CACNA1D: variants seen among roughly 807,000 people sequenced by gnomAD.
The protein encoded by CACNA1D is calcium voltage-gated channel subunit alpha1 D, also known as voltage-dependent L-type calcium channel subunit alpha-1D.
In CACNA1D, 55 loss-of-function variants were observed where a neutral mutation model predicts 257.1. The ratio of observed to expected loss-of-function variants is 0.21; its 90% CI spans 0.17 to 0.27. The LOEUF (loss-of-function observed/expected upper bound fraction) is 0.27. Ranked by LOEUF, CACNA1D falls within the 10% of genes least tolerant of loss-of-function variation. The pLI is 1.00. For synonymous variants in CACNA1D, 980 were observed against 1,014.9 expected, an observed-to-expected ratio of 0.97 and a Z score of 0.65; for missense variants, 1,876 against 2,784.0, an observed-to-expected ratio of 0.67 and a Z score of 7.34.
In CACNA1D at chr3:53,514,591, C is replaced by T. The variant is rs182070217; in HGVS notation, c.483+12871C>T. On this transcript the variant is annotated intron_variant, in intron 3 of 47. Transcript: ENST00000350061. ...GAAATAAAATGGCTAAAGGTGTTAT[C>T]ACAGGCCCTGGCTCCTAGAAAGCAC... is the stretch of plus-strand genomic sequence containing the variant. Among the ~76,000 whole-genome samples, 28 of 152,258 alleles carry T rather than the reference C, an allele frequency of 1.8e-4. No homozygotes were observed. The East Asian group carries it at 5.4e-3, about 29-fold the overall frequency.
intron 37 of CACNA1D, among the ~76,000 whole-genome samples, chr3:53,778,230 C>T (rs2095408218): frequency 6.6e-6 from 1 of 152,144 alleles, no homozygotes; most frequent in Non-Finnish European, 1.5e-5. Flanking sequence ...CCAGTACTGG[C>T]CTCTTTTCTG....
chr3:53,770,671 A>C, intron 32 of CACNA1D, 119 bp downstream of exon 32: 1 of 890,606 alleles, frequency 1.1e-6, no homozygotes, highest in Non-Finnish European at 1.8e-6. Flanking sequence ...GACCTAAATC[A>C]ATAGAAAACA....
chr3:53,508,110 A>T (rs1218561106), intron 3 of CACNA1D, among the ~76,000 whole-genome samples: 1 of 152,074 alleles, frequency 6.6e-6, no homozygotes, highest in Non-Finnish European at 1.5e-5. Flanking sequence ...GCTCATTTTG[A>T]GGAGGGCATG....
chr3:53,664,242 G>A (rs1049738869), intron 5 of CACNA1D, among the ~76,000 whole-genome samples: 1 of 152,094 alleles, frequency 6.6e-6, no homozygotes, highest in Non-Finnish European at 1.5e-5. Flanking sequence ...GGAATGCTTA[G>A]TTTTGTTGGG....
intron 3 of CACNA1D, among the ~76,000 whole-genome samples, chr3:53,593,246 G>A (rs1336595928): frequency 6.6e-6 from 1 of 152,174 alleles, no homozygotes; most frequent in Admixed American, 6.6e-5. Context: ...TGATGGCCAC[G>A]AATCTAATTT....
chr3:53,717,342 C>T (rs1559561752), intron 9 of CACNA1D, among the ~76,000 whole-genome samples: 1 of 152,212 alleles, frequency 6.6e-6, no homozygotes. Flanking sequence ...ACCCCTATTC[C>T]AGGTGGGTGC....
In CACNA1D at chr3:53,741,156, C is replaced by A. The variant is rs535026105; in HGVS notation, c.2811+817C>A. Among the ~76,000 whole-genome samples, 265 of 152,274 alleles carry A rather than the reference C, an allele frequency of 1.7e-3. 2 individuals carry two copies. Among genetic ancestry groups the A allele is most frequent in the African/African-American group, 5.5e-3 (227 of 41,556 alleles). On this transcript the variant is annotated intron_variant, in intron 21 of 47. Transcript: ENST00000350061. ...CCTTATGTGCTTAGAGTGCTGGAGA[C>A]CACAGCAGAGCTCCAAGAACCTATC... is the stretch of plus-strand genomic sequence containing the variant.
At chr3:53,745,568 C>G in intron 23 of CACNA1D, 56 bp from the exon 24 acceptor site, 13 of 1,113,240 alleles carry the variant, frequency 1.2e-5, no homozygotes, top group Non-Finnish European at 1.4e-5. Context: ...CTGATGTTAG[C>G]TCACCTCAAG....
intron 3 of CACNA1D, among the ~76,000 whole-genome samples, chr3:53,587,414 T>A (rs1005235654): frequency 6.6e-6 from 1 of 152,154 alleles, no homozygotes; most frequent in African/African-American, 2.4e-5. Flanking sequence ...AGGTAACTTT[T>A]TACATTACAG....
chr3:53,749,073 C>G (rs1192665755), intron 26 of CACNA1D, 195 bp from the exon 27 acceptor site: 2 of 697,700 alleles, frequency 2.9e-6, no homozygotes, highest in Non-Finnish European at 5.2e-6. Flanking sequence ...ATCCTGGGTG[C>G]CCCCTCCTCT....
intron 19 of CACNA1D, 136 bp downstream of exon 19, chr3:53,733,098 C>A: frequency 1.3e-6 from 1 of 773,214 alleles, no homozygotes; most frequent in Non-Finnish European, 2.1e-6. Flanking sequence ...GGCGCCCTCA[C>A]CCAAGTCCCC....
chr3:53,558,478 A>G (rs1341020925), intron 3 of CACNA1D, among the ~76,000 whole-genome samples: 1 of 152,102 alleles, frequency 6.6e-6, no homozygotes, highest in Non-Finnish European at 1.5e-5. Flanking sequence ...AGTCAGTTTC[A>G]GTAGTAGTTA....
In CACNA1D at chr3:53,713,502, A is replaced by ATGTG. The variant is rs35655186; in HGVS notation, c.1391-4760_1391-4757dup. On this transcript the variant is annotated intron_variant, in intron 9 of 47. Transcript: ENST00000350061. ...ACATAGACTCATTTGCTCTGTGTGTATGTGTGTGTGTGTGTGTGTGTGTGT... is the reference window on the plus strand; with the variant it reads ...ACATAGACTCATTTGCTCTGTGTGTATGTGTGTGTGTGTGTGTGTGTGTGTGTGT... Among the ~76,000 whole-genome samples, 983 of 129,418 alleles carry ATGTG rather than the reference A, an allele frequency of 7.6e-3. 8 individuals carry two copies. The highest frequency in any genetic ancestry group is 0.04 in the South Asian group (170 of 4,270). 84.9% of individuals were successfully genotyped at this position (129,418 alleles called of 152,430 possible). A position where few individuals can be genotyped will look rare whatever the true frequency, so the allele number is the denominator to read the frequency against.
chr3:53,728,386 G>A (rs1387739310), intron 15 of CACNA1D, among the ~76,000 whole-genome samples: 2 of 152,046 alleles, frequency 1.3e-5, no homozygotes, highest in Admixed American at 6.6e-5. Context: ...TGATCCGCCC[G>A]CCTTGGCCTC....
At chr3:53,712,799 G>C (rs768029641) in intron 9 of CACNA1D, among the ~76,000 whole-genome samples, 2 of 152,152 alleles carry the variant, frequency 1.3e-5, no homozygotes, top group Non-Finnish European at 2.9e-5. Context: ...GTGCAAAAAA[G>C]TCTGTCCTGT....
chr3:53,509,988 C>A (rs141411805), intron 3 of CACNA1D, among the ~76,000 whole-genome samples: 1 of 152,190 alleles, frequency 6.6e-6, no homozygotes, highest in African/African-American at 2.4e-5. Flanking sequence ...CCTTCCAGCC[C>A]GCTGCTGTGG....
intron 3 of CACNA1D, among the ~76,000 whole-genome samples, chr3:53,541,667 T>G (rs1226639428): frequency 6.6e-6 from 1 of 152,214 alleles, no homozygotes; most frequent in East Asian, 1.9e-4. Flanking sequence ...AGTAATTCTT[T>G]GAGTATATCT....
At chr3:53,596,432 G>C (rs576460603) in intron 3 of CACNA1D, among the ~76,000 whole-genome samples, 13 of 151,642 alleles carry the variant, frequency 8.6e-5, no homozygotes, top group South Asian at 2.1e-4. Context: ...TTGGAAAATG[G>C]CCCCCCCCAA....
intron 3 of CACNA1D, among the ~76,000 whole-genome samples, chr3:53,533,684 G>A (rs1308165270): frequency 6.6e-5 from 10 of 152,270 alleles, no homozygotes; most frequent in African/African-American, 2.4e-4. Flanking sequence ...CCTCCTCCAC[G>A]GCTGCTATGG....
Sources: allele counts gnomAD v4.1 joint callset (sites outside exome capture counted in the v4.1 genomes callset), GRCh38; gene constraint gnomAD v4.1.1; transcripts MANE v1.5; gene names NCBI Gene and HGNC (gene_info 2026-07-23, HGNC 2026-07-21).